Variants in ATP11A observed in about 807,000 individuals in gnomAD.
ATP11A encodes phospholipid-transporting ATPase IH.
Under a neutral mutation model 154.4 loss-of-function variants are expected in ATP11A, and 81 were observed. The observed-to-expected ratio is 0.52, with a 90% CI of 0.44 to 0.63. The LOEUF is 0.63. ATP11A is among the 30% of genes least tolerant of loss of function. The pLI, the probability that ATP11A is intolerant of heterozygous loss-of-function variation, is 0.00. For missense variants in ATP11A, 1,316 were observed against 1,474.3 expected, an observed-to-expected ratio of 0.89 and a Z score of 1.76; for synonymous variants, 623 against 585.9, an observed-to-expected ratio of 1.06 and a Z score of -0.91.
intron 1 of ATP11A, among the ~76,000 whole-genome samples, chr13:112,712,470 TAGTG>T (rs1887872294): frequency 6.6e-6 from 1 of 152,138 alleles, no homozygotes; most frequent in African/African-American, 2.4e-5. Flanking sequence ...GTGTGGCTGA[TAGTG>T]AGGGTCTGGG....
chr13:112,735,299 T>G (rs1442296719), intron 1 of ATP11A, among the ~76,000 whole-genome samples: 1 of 152,208 alleles, frequency 6.6e-6, no homozygotes, highest in Non-Finnish European at 1.5e-5. Flanking sequence ...AATAAAAAGT[T>G]GATTTCTTTG....
chr13:112,743,762 A>G lies in ATP11A; in HGVS notation c.40-41373A>G, dbSNP rs188797297. 8.0e-4 allele frequency among the ~76,000 whole-genome samples: 122 copies of G among 152,368 alleles called. 2 individuals are homozygous for G. Among genetic ancestry groups the G allele is most frequent in the Admixed American group, 7.8e-3 (120 of 15,312 alleles). On this transcript the variant is annotated intron_variant, in intron 1 of 29. Coordinates refer to ENST00000375645, the MANE Select transcript of ATP11A (RefSeq NM_015205.3). Reference sequence around the variant, plus strand: ...TAACACAGTAAGCTTAAGGTAACCTATACAGCTTCAGGAAAAGAGGATTGG... The same window carrying G: ...TAACACAGTAAGCTTAAGGTAACCTGTACAGCTTCAGGAAAAGAGGATTGG...
At chr13:112,740,129 T>C (rs1198651129) in intron 1 of ATP11A, among the ~76,000 whole-genome samples, 2 of 92,136 alleles carry the variant, frequency 2.2e-5, no homozygotes, top group Admixed American at 1.2e-4. Context: ...ATGTGAATTC[T>C]CTCTCTCTCT....
rs1004566129 is a variant in ATP11A at position 112,754,010 on chromosome 13, G to A, written c.40-31125G>A. 3.3e-5 allele frequency among the ~76,000 whole-genome samples: 5 copies of A among 152,228 alleles called. No homozygotes were observed. The highest frequency in any genetic ancestry group is 7.2e-5 in the African/African-American group (3 of 41,456). On this transcript the variant is annotated intron_variant, in intron 1 of 29. Coordinates refer to ENST00000375645, the MANE Select transcript of ATP11A (RefSeq NM_015205.3). This position sits in a 1 kb window ranked among gnomAD's most constrained non-coding sequence, Gnocchi z 5.3. Reference sequence around the variant, plus strand: ...CCACACGCCTGACAGGCCGATCACAGCCTGACCTTGACCAGGCAGCATCCA... The same window carrying A: ...CCACACGCCTGACAGGCCGATCACAACCTGACCTTGACCAGGCAGCATCCA...
chr13:112,771,277 T>C (rs754180854), intron 1 of ATP11A, among the ~76,000 whole-genome samples: 1 of 152,136 alleles, frequency 6.6e-6, no homozygotes, highest in African/African-American at 2.4e-5. Flanking sequence ...GAACTTCGAA[T>C]GCGGAAACAT....
chr13:112,886,699 T>C lies in ATP11A; in HGVS notation c.*4833T>C, dbSNP rs1288919847. ...ATTTATATAGCTTTATTTTTTACTT[T>C]ATCAAAGTATACAGAATTTTAATAT... On this transcript the variant is annotated 3_prime_UTR_variant, in exon 30 of 30. Transcript: ENST00000375645. 2.6e-5 allele frequency: 4 copies of C among 152,636 alleles called. No homozygotes were observed. The highest frequency in any genetic ancestry group is 4.4e-5 in the Non-Finnish European group (3 of 68,036). The allele number at this position is 152,636 out of a possible 1,614,324, so 9.5% of individuals were successfully genotyped here.
At chr13:112,699,735 G>A (rs1239981882) in intron 1 of ATP11A, among the ~76,000 whole-genome samples, 3 of 152,154 alleles carry the variant, frequency 2.0e-5, no homozygotes, top group South Asian at 2.1e-4. Context: ...TTGGCTGGAC[G>A]ATGGTCTACA....
intron 18 of ATP11A, chr13:112,851,482 A>G (rs2079765517): frequency 2.7e-6 from 1 of 365,338 alleles, no homozygotes; most frequent in African/African-American, 2.3e-5. Flanking sequence ...TTGTCATATC[A>G]TATTATGAAC....
chr13:112,880,520 G>GCTCAGT, intron 29 of ATP11A: 1 of 1,291,876 alleles, frequency 7.7e-7, no homozygotes, highest in South Asian at 1.2e-5. Context: ...GGCCCACGTC[G>GCTCAGT]CTCAGTATCT....
intron 1 of ATP11A, among the ~76,000 whole-genome samples, chr13:112,777,735 C>T (rs550061748): frequency 2.1e-4 from 32 of 152,276 alleles, no homozygotes; most frequent in Non-Finnish European, 4.3e-4. Context: ...GGAAGGCTGC[C>T]GGAAGGCTGC....
chr13:112,857,002 C>A (rs374401589), intron 20 of ATP11A, among the ~76,000 whole-genome samples: 2 of 152,252 alleles, frequency 1.3e-5, no homozygotes, highest in Admixed American at 6.5e-5. Context: ...CTCTCCCTCA[C>A]ATGCGTAACT....
chr13:112,759,942 C>G (rs2076926987), intron 1 of ATP11A, among the ~76,000 whole-genome samples: 1 of 152,156 alleles, frequency 6.6e-6, no homozygotes, highest in Non-Finnish European at 1.5e-5. Flanking sequence ...GAAAGCACCA[C>G]CTTGTCGAAT....
chr13:112,850,888 T>C, intron 17 of ATP11A, 149 bp from the exon 18 acceptor site: 1 of 618,972 alleles, frequency 1.6e-6, no homozygotes, highest in Non-Finnish European at 2.8e-6. Flanking sequence ...TTTCTTTCTT[T>C]GTTTACTTAG....
chr13:112,773,321 C>T (rs1027650826), intron 1 of ATP11A, among the ~76,000 whole-genome samples: 6 of 152,074 alleles, frequency 3.9e-5, no homozygotes, highest in Non-Finnish European at 8.8e-5. Flanking sequence ...GTCACCCTGC[C>T]CTTCTGTTTT....
At position 112,883,563 on chromosome 13, in the gene ATP11A, A is replaced by G. The variant is rs2080929954; in HGVS notation, c.*1697A>G. The G allele has an allele frequency of 1.1e-5, 2 of 180,980 alleles. No homozygotes were observed. The highest frequency in any genetic ancestry group is 3.9e-4 in the South Asian group (2 of 5,090). 11.2% of individuals were successfully genotyped at this position (180,980 alleles called of 1,614,324 possible). A position where few individuals can be genotyped will look rare whatever the true frequency, so the allele number is the denominator to read the frequency against. ...TTTGATTGTATAATCTTTTACCTAT[A>G]AAATATTTATTTGAAGTAGAGGGTA... On this transcript the variant is annotated 3_prime_UTR_variant, in exon 30 of 30. Coordinates refer to ENST00000375645, the MANE Select transcript of ATP11A (RefSeq NM_015205.3).
At chr13:112,846,507 C>T (rs888319823) in intron 17 of ATP11A, among the ~76,000 whole-genome samples, 3 of 152,144 alleles carry the variant, frequency 2.0e-5, no homozygotes, top group African/African-American at 7.2e-5. Flanking sequence ...TAACATGGGG[C>T]GTGTGTGATA....
At chr13:112,773,832 A>C (rs1449785506) in intron 1 of ATP11A, among the ~76,000 whole-genome samples, 2 of 152,142 alleles carry the variant, frequency 1.3e-5, no homozygotes, top group Non-Finnish European at 2.9e-5. Context: ...CGGGGTGTGG[A>C]GAGGTGCACC....
chr13:112,748,451 C>T (rs937942989), intron 1 of ATP11A, among the ~76,000 whole-genome samples: 12 of 152,258 alleles, frequency 7.9e-5, no homozygotes, highest in Middle Eastern at 3.4e-3. Flanking sequence ...CTGCAGCCTC[C>T]GCCTCCTGGG....
chr13:112,846,545 C>G (rs898979713), intron 17 of ATP11A, among the ~76,000 whole-genome samples: 1 of 152,180 alleles, frequency 6.6e-6, no homozygotes, highest in African/African-American at 2.4e-5. Flanking sequence ...TTAAATCCTC[C>G]TCGCTAACGG....
Sources: allele counts gnomAD v4.1 joint callset (sites outside exome capture counted in the v4.1 genomes callset), GRCh38; gene constraint gnomAD v4.1.1; non-coding constraint Gnocchi (gnomAD v3.1); transcripts MANE v1.5; gene names NCBI Gene and HGNC (gene_info 2026-07-23, HGNC 2026-07-21).